The following SCN9A variants were observed in gnomAD, a reference collection of about 807,000 sequenced individuals.
The protein encoded by SCN9A is sodium channel protein type 9 subunit alpha.
In SCN9A, 131 loss-of-function variants were observed where a neutral mutation model predicts 187.0. The observed-to-expected ratio is 0.70, with a 90% confidence interval of 0.61 to 0.81. SCN9A has a LOEUF of 0.81. Among genes scored for constraint, SCN9A ranks in the 30% least tolerant of loss-of-function variants. The pLI is 0.00. For missense variants in SCN9A, 2,252 were observed against 2,396.6 expected, an observed-to-expected ratio of 0.94 and a Z score of 1.26; for synonymous variants, 809 against 808.6, an observed-to-expected ratio of 1.00 and a Z score of -0.01.
At position 166,288,471 on chromosome 2, in the gene SCN9A, A is replaced by G. The variant is rs192406412; in HGVS notation, c.1280T>C (p.Leu427Ser). The G allele has an allele frequency of 1.1e-4, 180 of 1,612,492 alleles. No individual in the cohort carries two copies. Among genetic ancestry groups the G allele is most frequent in the Non-Finnish European group, 1.4e-4 (170 of 1,178,858 alleles). The change falls in exon 10 of 27, where the codon TTA (leucine) becomes TCA (serine). Residue 427 changes from leucine to serine, a missense_variant. By Grantham distance (145) the Leu-to-Ser change is moderately radical (BLOSUM62 -2). Coordinates refer to ENST00000642356, the MANE Select transcript of SCN9A (RefSeq NM_001365536.1). The stretch of plus-strand genomic sequence containing the variant: ...TTCTTGCTCTTTTTTAAGACGGTCT[A>G]ACATCTGTTGAAATTCTAATTCTTT... Reference protein sequence around the residue: ...KQKELEFQQMLDRLKKEQEEA... With the variant: ...KQKELEFQQMSDRLKKEQEEA...
chr2:166,268,870 T>C (rs1347014034), intron 17 of SCN9A, among the ~76,000 whole-genome samples: 2 of 151,886 alleles, frequency 1.3e-5, no homozygotes, highest in Non-Finnish European at 2.9e-5. Context: ...TAATTAGAAG[T>C]CAGTAGCACT....
At chr2:166,304,721 C>T (rs1404419116) in intron 5 of SCN9A, among the ~76,000 whole-genome samples, 1 of 151,822 alleles carries the variant, frequency 6.6e-6, no homozygotes, top group African/African-American at 2.4e-5. Flanking sequence ...TAGACAAATC[C>T]ATAGAGATAA....
chr2:166,334,838 A>T (rs1249357587), intron 1 of SCN9A, among the ~76,000 whole-genome samples: 1 of 152,176 alleles, frequency 6.6e-6, no homozygotes, highest in African/African-American at 2.4e-5. Flanking sequence ...TGTGAGCTTA[A>T]AACCTTGTAT....
chr2:166,309,674 C>T (rs1464479630), intron 2 of SCN9A, among the ~76,000 whole-genome samples: 2 of 149,946 alleles, frequency 1.3e-5, no homozygotes, highest in African/African-American at 5.0e-5. Flanking sequence ...GGCCATACTG[C>T]CCAAGGTAAT....
intron 15 of SCN9A, 115 bp downstream of exon 15, chr2:166,278,025 T>C: frequency 1.4e-6 from 1 of 719,818 alleles, no homozygotes; most frequent in Non-Finnish European, 2.2e-6. Flanking sequence ...TTACTAGATA[T>C]CAAGATATAA....
At position 166,228,247 on chromosome 2, in the gene SCN9A, C is replaced by CTT. The variant is rs33924683; in HGVS notation, c.4206+442_4206+443dup. On this transcript the variant is annotated intron_variant, in intron 22 of 26. Transcript: ENST00000642356. ...GAACATGTTCTAGGAAAGACCAACA[C>CTT]TTTTTTTTTTTTTTTTTTTTTTTTT... Among the ~76,000 whole-genome samples, 450 of 85,994 alleles carry CTT rather than the reference C, an allele frequency of 5.2e-3. 43 individuals carry two copies. The highest frequency in any genetic ancestry group is 5.7e-3 in the Non-Finnish European group (264 of 45,998). 56.4% of individuals were successfully genotyped at this position (85,994 alleles called of 152,430 possible).
At position 166,280,703 on chromosome 2, in the gene SCN9A, G is replaced by C. The variant is rs956269106; in HGVS notation, c.2105-108C>G. 1.6e-5 allele frequency: 11 copies of C among 687,172 alleles called. No individual in the cohort carries two copies. In the African/African-American group the frequency reaches 2.0e-4, roughly 12 times the overall value. 42.6% of individuals were successfully genotyped at this position (687,172 alleles called of 1,614,324 possible). On this transcript the variant is annotated intron_variant, in intron 13 of 26. Coordinates refer to ENST00000642356, the MANE Select transcript of SCN9A (RefSeq NM_001365536.1). ...ATATTGAAACAAGGTTTATAGTTTA[G>C]ATTTTGAAAATTTAACAGTACTATT...
chr2:166,235,648 A>C (rs1695283758), intron 20 of SCN9A, among the ~76,000 whole-genome samples: 1 of 151,872 alleles, frequency 6.6e-6, no homozygotes, highest in Non-Finnish European at 1.5e-5. Context: ...TTCAAGAACA[A>C]CTGCTGTAGA....
At position 166,199,788 on chromosome 2, in the gene SCN9A, A is replaced by G. The variant is rs1271337771; in HGVS notation, c.4851T>C (p.Ile1617=). ...TLFRVIRLAR[I]GRILRLVKGA... is the part of the protein sequence containing the mutation. ...CTTTGACTAGACGTAGGATTCGGCC[A>G]ATCCTGGCAAGACGGATCACTCGGA... The change falls in exon 27 of 27, where the codon ATT becomes ATC. Residue 1617 remains isoleucine, a synonymous_variant. Transcript: ENST00000642356. 1.2e-6 allele frequency: 2 copies of G among 1,614,038 alleles called. No individual in the cohort carries two copies. Among genetic ancestry groups the G allele is most frequent in the East Asian group, 2.2e-5 (1 of 44,860 alleles).
chr2:166,366,281 C>T (rs934948653), intron 1 of SCN9A, among the ~76,000 whole-genome samples: 2 of 152,166 alleles, frequency 1.3e-5, no homozygotes, highest in Admixed American at 6.6e-5. Context: ...CAAAAGTTTT[C>T]GTGTCCCTTT....
intron 1 of SCN9A, among the ~76,000 whole-genome samples, chr2:166,328,318 T>A (rs766263796): frequency 6.6e-6 from 1 of 152,054 alleles, no homozygotes; most frequent in Non-Finnish European, 1.5e-5. Flanking sequence ...GGTAAACTTG[T>A]GTCATGGGGG....
chr2:166,231,235 A>C (rs1695069893), intron 21 of SCN9A, among the ~76,000 whole-genome samples: 1 of 152,210 alleles, frequency 6.6e-6, no homozygotes, highest in Admixed American at 6.5e-5. Context: ...AGTTAATGTC[A>C]ATGAATTCTA....
chr2:166,268,689 T>G (rs57501281), intron 17 of SCN9A, among the ~76,000 whole-genome samples: 2,012 of 152,104 alleles, frequency 0.013, 50 homozygotes, highest in African/African-American at 0.046. Flanking sequence ...GTAAGGTTTT[T>G]ATAGTTGACC....
At chr2:166,311,376 A>ATATT (rs1698948310) in intron 2 of SCN9A, 123 bp downstream of exon 2, 7 of 127,850 alleles carry the variant, frequency 5.5e-5, no homozygotes, top group Admixed American at 5.0e-4. Flanking sequence ...ATATATATAT[A>ATATT]TTTAATTTAA....
intron 17 of SCN9A, among the ~76,000 whole-genome samples, chr2:166,271,889 A>C (rs1178713625): frequency 2.0e-5 from 3 of 151,778 alleles, no homozygotes; most frequent in East Asian, 1.9e-4. Flanking sequence ...AGAGAGAGAG[A>C]GAGCGATACT....
chr2:166,326,308 A>T (rs1198046158), intron 1 of SCN9A, among the ~76,000 whole-genome samples: 2 of 152,194 alleles, frequency 1.3e-5, no homozygotes, highest in Non-Finnish European at 2.9e-5. Context: ...AATCTGGAGA[A>T]TACAGGGGAA....
intron 16 of SCN9A, among the ~76,000 whole-genome samples, chr2:166,273,774 T>C (rs944801383): frequency 6.6e-6 from 1 of 152,164 alleles, no homozygotes; most frequent in Non-Finnish European, 1.5e-5. Flanking sequence ...TTGATGTAAG[T>C]CTTTTCATGG....
At chr2:166,367,099 A>AT (rs1700435527) in intron 1 of SCN9A, among the ~76,000 whole-genome samples, 1 of 152,078 alleles carries the variant, frequency 6.6e-6, no homozygotes, top group African/African-American at 2.4e-5. Flanking sequence ...CTAAATTTTT[A>AT]TTTTCCAAGA....
At chr2:166,288,160 C>T (rs1697871498) in intron 10 of SCN9A, among the ~76,000 whole-genome samples, 1 of 137,214 alleles carries the variant, frequency 7.3e-6, no homozygotes, top group African/African-American at 2.9e-5. Flanking sequence ...TATATATAGA[C>T]ATACACACAC....
Sources: allele counts gnomAD v4.1 joint callset (sites outside exome capture counted in the v4.1 genomes callset), GRCh38; gene constraint gnomAD v4.1.1; transcripts MANE v1.5; gene names NCBI Gene and HGNC (gene_info 2026-07-23, HGNC 2026-07-21).